The following DAAM1 variants were observed in gnomAD, a reference collection of about 807,000 sequenced individuals.
The protein encoded by DAAM1 is dishevelled associated activator of morphogenesis 1, also known as disheveled-associated activator of morphogenesis 1.
In DAAM1, 52 loss-of-function variants were observed where a neutral mutation model predicts 130.0. That is an observed-to-expected ratio of 0.40 (90% CI 0.32 to 0.50). The LOEUF (loss-of-function observed/expected upper bound fraction) is 0.50, where lower values mean the gene tolerates loss of function less well. Ranked by LOEUF, DAAM1 falls within the 20% of genes least tolerant of loss-of-function variation. The probability of loss-of-function intolerance (pLI) is 0.61; values close to 1 mark genes in which losing one functional copy is unlikely to be tolerated. For synonymous variants in DAAM1, 452 were observed against 444.5 expected, an observed-to-expected ratio of 1.02 and a Z score of -0.21; for missense variants, 1,134 against 1,303.8, an observed-to-expected ratio of 0.87 and a Z score of 2.01.
intron 22 of DAAM1, among the ~76,000 whole-genome samples, 199 bp downstream of exon 22, chr14:59,361,061 G>A (rs1426096118): frequency 2.6e-5 from 4 of 152,178 alleles, no homozygotes; most frequent in Non-Finnish European, 5.9e-5. Flanking sequence ...AGCAGGGGTC[G>A]TGGATAAGTC....
intron 2 of DAAM1, among the ~76,000 whole-genome samples, chr14:59,274,313 T>C (rs1473670348): frequency 6.6e-6 from 1 of 152,206 alleles, no homozygotes; most frequent in Non-Finnish European, 1.5e-5. Context: ...TATATATTTA[T>C]GTTATGTATA....
intron 19 of DAAM1, 127 bp downstream of exon 19, chr14:59,354,091 T>C: frequency 2.3e-6 from 2 of 881,010 alleles, no homozygotes. Context: ...GACGGAGTCT[T>C]GCACAGTTGC....
chr14:59,263,522 T>C lies in DAAM1; in HGVS notation c.45T>C (p.Phe15=). ...KRGGRGISFI[F]CCFRNNDHPE... ...GTGGACGAGGTATTTCATTCATCTTTTGCTGTTTCCGAAATAATGATCACC... is the reference window on the plus strand; with the variant it reads ...GTGGACGAGGTATTTCATTCATCTTCTGCTGTTTCCGAAATAATGATCACC... Residue 15 remains phenylalanine, a synonymous_variant, in exon 2 of 25, where the codon TTT becomes TTC. Coordinates refer to ENST00000360909, the MANE Select transcript of DAAM1 (RefSeq NM_001270520.2). 1.2e-6 allele frequency: 2 copies of C among 1,614,254 alleles called. No individual in the cohort carries two copies. Among genetic ancestry groups the C allele is most frequent in the Non-Finnish European group, 1.7e-6 (2 of 1,180,044 alleles).
intron 24 of DAAM1, among the ~76,000 whole-genome samples, chr14:59,368,072 TACATATAGA>T (rs1309900744): frequency 6.6e-6 from 1 of 152,180 alleles, no homozygotes; most frequent in Non-Finnish European, 1.5e-5. Context: ...GGTGTGTTAA[TACATATAGA>T]AAATAATAGT....
chr14:59,291,469 G>T, intron 3 of DAAM1, 163 bp downstream of exon 3: 1 of 579,614 alleles, frequency 1.7e-6, no homozygotes, highest in Admixed American at 3.5e-5. Context: ...TCAATTCCCT[G>T]GATGTTGTTT....
Position 59,331,605 on chromosome 14 carries a change from T to C in DAAM1, c.1860+97T>C, listed in dbSNP as rs1052808082. ...AAACAGCCCTGGCTGTTAAATGATT[T>C]CATTTTCTAATGTGGACCAAGAGTT... On this transcript the variant is annotated intron_variant, in intron 14 of 24. Transcript: ENST00000360909. 1.8e-5 allele frequency: 27 copies of C among 1,510,304 alleles called. No homozygotes were observed. In the Admixed American group the frequency reaches 3.7e-4, roughly 21 times the overall value. 93.6% of individuals were successfully genotyped at this position (1,510,304 alleles called of 1,614,324 possible).
In DAAM1 at chr14:59,291,028, A is replaced by T. The variant is rs1019672614; in HGVS notation, c.184-189A>T. On this transcript the variant is annotated intron_variant, in intron 2 of 24. Transcript: ENST00000360909. ...ATCCCTCTTGCTGTGCCCCATGCCT[A>T]GCCCCCTGCCAGGGACATGCTTTCT... Among the ~76,000 whole-genome samples the T allele has an allele frequency of 2.0e-5, 3 of 152,292 alleles. 1 individual carries two copies. Among genetic ancestry groups the T allele is most frequent in the Middle Eastern group, 6.8e-3 (2 of 294 alleles).
intron 1 of DAAM1, among the ~76,000 whole-genome samples, chr14:59,214,458 A>C (rs552225026): frequency 4.6e-5 from 7 of 152,334 alleles, no homozygotes; most frequent in Non-Finnish European, 2.9e-5. Context: ...CAGATGTCTC[A>C]CTTTAGGCAA....
At position 59,301,744 on chromosome 14, in the gene DAAM1, C is replaced by T. The variant is rs10145143; in HGVS notation, c.273+10438C>T. Among the ~76,000 whole-genome samples, 348 of 152,316 alleles carry T rather than the reference C, an allele frequency of 2.3e-3. 1 individual carries two copies. The highest frequency in any genetic ancestry group is 7.2e-3 in the African/African-American group (300 of 41,564). ...AAAGATTTTGAGACTCTCTCCTCTT[C>T]CTCGATTCCTTTGGATATTCAGAAG... On this transcript the variant is annotated intron_variant, in intron 3 of 24. Transcript: ENST00000360909.
chr14:59,331,597 A>G (rs911821862), intron 14 of DAAM1, 89 bp downstream of exon 14: 2 of 1,511,222 alleles, frequency 1.3e-6, no homozygotes, highest in South Asian at 1.4e-5. Flanking sequence ...CCTGGCTGTT[A>G]AATGATTTCA....
chr14:59,194,398 G>A (rs999258516), intron 1 of DAAM1, among the ~76,000 whole-genome samples: 4 of 152,310 alleles, frequency 2.6e-5, no homozygotes, highest in Admixed American at 2.0e-4. Flanking sequence ...CTGTATGAAC[G>A]ATAGACAAAT....
intron 3 of DAAM1, among the ~76,000 whole-genome samples, chr14:59,292,844 T>C (rs1883803433): frequency 6.6e-6 from 1 of 152,228 alleles, no homozygotes; most frequent in African/African-American, 2.4e-5. Flanking sequence ...GAAATAAATG[T>C]CTTCCTCTCC....
chr14:59,238,313 A>T (rs972631562), intron 1 of DAAM1, among the ~76,000 whole-genome samples: 2 of 152,130 alleles, frequency 1.3e-5, no homozygotes, highest in Non-Finnish European at 2.9e-5. Context: ...CTTTTCAAAA[A>T]AAACGTCTGA....
intron 2 of DAAM1, among the ~76,000 whole-genome samples, chr14:59,277,133 A>G (rs1009627254): frequency 6.6e-5 from 10 of 152,216 alleles, no homozygotes; most frequent in African/African-American, 2.2e-4. Context: ...ATGATCCCAT[A>G]TTTCAGTTTA....
At chr14:59,270,349 A>G (rs866611019) in intron 2 of DAAM1, among the ~76,000 whole-genome samples, 3 of 152,224 alleles carry the variant, frequency 2.0e-5, no homozygotes, top group Non-Finnish European at 4.4e-5. Flanking sequence ...CTGCATGTGC[A>G]GAGATCACGT....
chr14:59,256,214 C>T (rs1357947251), intron 1 of DAAM1, among the ~76,000 whole-genome samples: 3 of 152,196 alleles, frequency 2.0e-5, no homozygotes, highest in African/African-American at 7.2e-5. Context: ...TTACTTATCA[C>T]ATATATTGTG....
In DAAM1 at chr14:59,367,506, A is replaced by G. The variant is rs1413996523; in HGVS notation, c.2904A>G (p.Gln968=). Residue 968 remains glutamine (Q), a synonymous_variant, in exon 24 of 25, where the codon CAA becomes CAG. Coordinates refer to ENST00000360909, the MANE Select transcript of DAAM1 (RefSeq NM_001270520.2). ...ATGAGTTCTTTGGCATTTTTGATCA[A>G]TTTCTTCAAGCTGTGTCAGAAGCCA... ...QPDEFFGIFD[Q]FLQAVSEAKQ... 9 of 1,613,842 alleles carry G rather than the reference A, an allele frequency of 5.6e-6. No individual in the cohort carries two copies. The highest frequency in any genetic ancestry group is 1.6e-4 in the Middle Eastern group (1 of 6,084).
intron 1 of DAAM1, among the ~76,000 whole-genome samples, chr14:59,253,032 G>A (rs770232766): frequency 2.0e-5 from 3 of 152,028 alleles, no homozygotes; most frequent in South Asian, 2.1e-4. Context: ...AGATTTTTTC[G>A]TGTACAGCCC....
At chr14:59,234,043 A>G (rs144864982) in intron 1 of DAAM1, among the ~76,000 whole-genome samples, 121 of 152,278 alleles carry the variant, frequency 7.9e-4, no homozygotes, top group African/African-American at 2.8e-3. Context: ...GCCTTGAAAT[A>G]TAGTTTGAGG....
Sources: gnomAD v4.1 joint callset for allele counts (sites outside exome capture counted in the v4.1 genomes callset) on GRCh38, gnomAD v4.1.1 for gene constraint, MANE v1.5 for transcripts, NCBI Gene and HGNC (gene_info 2026-07-23, HGNC 2026-07-21) for gene names.